The following NADK variants were observed in gnomAD, a reference collection of about 807,000 sequenced individuals.
NADK encodes the protein poly(P)/ATP NAD kinase.
A neutral mutation model predicts 49.8 loss-of-function variants in NADK; 22 were observed. That is an observed-to-expected ratio of 0.44 (90% CI 0.32 to 0.63). The LOEUF (loss-of-function observed/expected upper bound fraction) is 0.63, where lower values mean the gene tolerates loss of function less well. NADK is among the 30% of genes least tolerant of loss of function. NADK has a pLI of 0.06. For missense variants in NADK, 438 were observed against 609.4 expected (o/e 0.72, Z 2.96); for synonymous variants, 268 against 253.7 (o/e 1.06, Z -0.54).
intron 10 of NADK, 46 bp from the exon 11 acceptor site, chr1:1,753,695 G>T (rs1490687887): frequency 2.0e-6 from 3 of 1,524,882 alleles, no homozygotes; most frequent in South Asian, 2.3e-5. Flanking sequence ...CTGTGGGGAG[G>T]ACGCTTCTAG....
chr1:1,757,425 GAA>G, intron 3 of NADK, 115 bp from the exon 4 acceptor site: 1 of 959,772 alleles, frequency 1.0e-6, no homozygotes. Flanking sequence ...ACCTCCCAGG[GAA>G]ACGTGCTCGG....
chr1:1,773,848 A>C (rs12040826), intron 1 of NADK, among the ~76,000 whole-genome samples: 60,248 of 151,718 alleles, frequency 0.4, 14,420 homozygotes, highest in Admixed American at 0.55. Context: ...CCCAGGCTTA[A>C]GGGATCCTCC....
At position 1,778,043 on chromosome 1, in the gene NADK, C is replaced by A. The variant is rs982347638; in HGVS notation, c.-41+246G>T. 1.3e-5 allele frequency among the ~76,000 whole-genome samples: 2 copies of A among 152,312 alleles called. No homozygotes were observed. The highest frequency in any genetic ancestry group is 1.9e-4 in the East Asian group (1 of 5,170). On this transcript the variant is annotated intron_variant, in intron 1 of 11. Transcript: ENST00000341426. The surrounding 1 kb of genome is among the most constrained non-coding windows in gnomAD (Gnocchi z 4.9). ...GCTGGACGGCCCCACCTTCCCCGCC[C>A]GGGAGAGCCAGGCCGGACAGCGGCC...
chr1:1,765,732 TA>T (rs1645866448), intron 1 of NADK, among the ~76,000 whole-genome samples: 1 of 150,704 alleles, frequency 6.6e-6, no homozygotes, highest in African/African-American at 2.4e-5. Flanking sequence ...GCCTGACCAA[TA>T]TGGTGAAATC....
chr1:1,756,384 A>G, intron 5 of NADK, 41 bp from the exon 6 acceptor site: 2 of 1,608,866 alleles, frequency 1.2e-6, no homozygotes, highest in Non-Finnish European at 1.7e-6. Flanking sequence ...GCTGTCACAC[A>G]GTGGCCCCTC....
intron 3 of NADK, chr1:1,758,495 A>C (rs749921454): frequency 1.2e-6 from 2 of 1,611,948 alleles, no homozygotes; most frequent in Non-Finnish European, 1.7e-6. Flanking sequence ...TGTCCACAGC[A>C]TCCAGGCCAC....
rs948260958 is a variant in NADK at position 1,756,137 on chromosome 1, G to A, written c.585+121C>T. 16 of 960,102 alleles carry A rather than the reference G, an allele frequency of 1.7e-5. 1 individual carries two copies. Among genetic ancestry groups the A allele is most frequent in the South Asian group, 8.1e-5 (6 of 74,240 alleles). 59.5% of individuals were successfully genotyped at this position (960,102 alleles called of 1,614,324 possible). A position where few individuals can be genotyped will look rare whatever the true frequency, so the allele number is the denominator to read the frequency against. On this transcript the variant is annotated intron_variant, in intron 6 of 11. Transcript: ENST00000341426. ...GCCACCATGGGCCTCAGTGCTGGCCGCTCTAGGTGACTGCTCTCGTATAAA... is the reference window on the plus strand; with the variant it reads ...GCCACCATGGGCCTCAGTGCTGGCCACTCTAGGTGACTGCTCTCGTATAAA...
intron 7 of NADK, 29 bp downstream of exon 7, chr1:1,755,345 C>T: frequency 6.6e-7 from 1 of 1,521,794 alleles, no homozygotes; most frequent in Non-Finnish European, 9.1e-7. Flanking sequence ...GATCAGAGCT[C>T]CTGTGGGCTC....
chr1:1,755,469 A>G lies in NADK; in HGVS notation c.593T>C (p.Val198Ala), dbSNP rs771617462. 3 of 1,613,528 alleles carry G rather than the reference A, an allele frequency of 1.9e-6. No individual in the cohort carries two copies. The highest frequency in any genetic ancestry group is 2.5e-6 in the Non-Finnish European group (3 of 1,179,772). Reference protein sequence around the residue: ...LYASSLFQGSVPPVMAFHLGS... With the variant: ...LYASSLFQGSAPPVMAFHLGS... The stretch of plus-strand genomic sequence containing the variant: ...CAGGTGGAAGGCCATGACCGGAGGG[A>G]CGCTGCCCTGTGAGCCGACGGAGAG... The change falls in exon 7 of 12, where the codon GTC (valine) becomes GCC (alanine). Residue 198 changes from valine to alanine, a missense_variant. Transcript: ENST00000341426.
In NADK at chr1:1,759,623, G is replaced by A. The variant is rs1645650266; in HGVS notation, c.264-2313C>T. ...GGGAAGCCCTGCCCCTCCACAGCGGGGATGGGAAGCGGGAGGTTATGATCC... is the reference window on the plus strand; with the variant it reads ...GGGAAGCCCTGCCCCTCCACAGCGGAGATGGGAAGCGGGAGGTTATGATCC... On this transcript the variant is annotated intron_variant, in intron 3 of 11. Coordinates refer to ENST00000341426, the MANE Select transcript of NADK (RefSeq NM_023018.5). 7 of 1,238,490 alleles carry A rather than the reference G, an allele frequency of 5.7e-6. No homozygotes were observed. The East Asian group carries it at 1.8e-4, about 32-fold the overall frequency. 76.7% of individuals were successfully genotyped at this position (1,238,490 alleles called of 1,614,324 possible).
intron 1 of NADK, among the ~76,000 whole-genome samples, chr1:1,767,101 G>C (rs1645912428): frequency 6.6e-6 from 1 of 151,958 alleles, no homozygotes; most frequent in African/African-American, 2.4e-5. Flanking sequence ...ATTTTTAGTA[G>C]AGATGGGGTT....
intron 1 of NADK, among the ~76,000 whole-genome samples, chr1:1,777,227 C>T (rs1006118389): frequency 2.0e-5 from 3 of 152,198 alleles, no homozygotes; most frequent in African/African-American, 7.2e-5. Context: ...GCAAAAGTCC[C>T]AGTGAAGTCA....
chr1:1,759,538 C>T (rs1423663133), intron 3 of NADK, among the ~76,000 whole-genome samples: 1 of 152,258 alleles, frequency 6.6e-6, no homozygotes, highest in Admixed American at 6.5e-5. Context: ...GCCCTCCTCA[C>T]CAGGCGCCCC....
intron 3 of NADK, chr1:1,758,688 A>ACC: frequency 4.8e-6 from 6 of 1,257,890 alleles, no homozygotes; most frequent in Non-Finnish European, 5.9e-6. Flanking sequence ...ACAAAACAAA[A>ACC]CAGTTTCCTC....
chr1:1,761,102 T>C (rs1645708805), intron 3 of NADK, among the ~76,000 whole-genome samples: 1 of 152,192 alleles, frequency 6.6e-6, no homozygotes, highest in African/African-American at 2.4e-5. Context: ...CAAGCAGTTC[T>C]CTGTCTCAGC....
At chr1:1,761,208 G>A (rs945115666) in intron 3 of NADK, among the ~76,000 whole-genome samples, 3 of 152,192 alleles carry the variant, frequency 2.0e-5, no homozygotes, top group Non-Finnish European at 2.9e-5. Context: ...GGCCAGGCTG[G>A]TCTTGAACTC....
intron 1 of NADK, among the ~76,000 whole-genome samples, chr1:1,769,251 C>T (rs1019659869): frequency 6.6e-6 from 1 of 152,130 alleles, no homozygotes; most frequent in African/African-American, 2.4e-5. Context: ...AACCCTGTCT[C>T]GACTAAAAGT....
At position 1,754,297 on chromosome 1, in the gene NADK, C is replaced by G; in HGVS notation, c.930G>C (p.Thr310=). Reference sequence around the variant, plus strand: ...TGCGGGCCTTACCGTCGCCCTGCACCGTGGTGATGAGGTGTCCGTCCAGGT... The same window carrying G: ...TGCGGGCCTTACCGTCGCCCTGCACGGTGGTGATGAGGTGTCCGTCCAGGT... ...DVYLDGHLIT[T]VQGDGVIVST... is the part of the protein sequence containing the mutation. Residue 310 remains threonine, a synonymous_variant, in exon 9 of 12, where the codon ACG becomes ACC. Coordinates refer to ENST00000341426, the MANE Select transcript of NADK (RefSeq NM_023018.5). This position sits in a 1 kb window ranked among gnomAD's most constrained non-coding sequence, Gnocchi z 4.3. The G allele has an allele frequency of 6.2e-7, 1 of 1,613,758 alleles. No homozygotes were observed. Among genetic ancestry groups the G allele is most frequent in the Middle Eastern group, 1.6e-4 (1 of 6,062 alleles).
At chr1:1,756,425 G>A (rs1570512385) in intron 5 of NADK, 78 bp downstream of exon 5, 8 of 1,609,492 alleles carry the variant, frequency 5.0e-6, no homozygotes, top group Non-Finnish European at 5.9e-6. Context: ...CCAATGACAA[G>A]GGCAACAGTG....
Sources: allele counts gnomAD v4.1 joint callset (sites outside exome capture counted in the v4.1 genomes callset), GRCh38; gene constraint gnomAD v4.1.1; non-coding constraint Gnocchi (gnomAD v3.1); transcripts MANE v1.5; gene names NCBI Gene and HGNC (gene_info 2026-07-23, HGNC 2026-07-21).